Variants in SLAIN1 observed in about 807,000 individuals in gnomAD.
SLAIN1 encodes the protein SLAIN motif-containing protein 1.
A neutral mutation model predicts 55.4 loss-of-function variants in SLAIN1; 17 were observed. That is an observed-to-expected ratio of 0.31 (90% confidence interval 0.21 to 0.46). The LOEUF is 0.46. SLAIN1 is among the 20% of genes least tolerant of loss of function. SLAIN1 has a pLI of 1.00. For missense variants in SLAIN1, 682 were observed against 785.1 expected (o/e 0.87, Z 1.57); for synonymous variants, 348 against 337.4 (o/e 1.03, Z -0.35).
chr13:77,758,278 G>GT (rs146479590), intron 5 of SLAIN1, among the ~76,000 whole-genome samples: 8,403 of 151,296 alleles, frequency 0.056, 308 homozygotes, highest in South Asian at 0.11. Flanking sequence ...GGGATTAGTT[G>GT]TTTTTTTTCT....
At chr13:77,699,143 C>CT in intron 1 of SLAIN1, 1 of 1,349,980 alleles carries the variant, frequency 7.4e-7, no homozygotes, top group Non-Finnish European at 1.0e-6. Context: ...GACTGACTTG[C>CT]TTTTTAAAAT....
At position 77,699,283 on chromosome 13, in the gene SLAIN1, T is replaced by C. The variant is rs940522008; in HGVS notation, c.626+744T>C. 2.9e-5 allele frequency: 9 copies of C among 315,272 alleles called. No individual in the cohort carries two copies. In the South Asian group the frequency reaches 7.7e-4, roughly 27 times the overall value. 19.5% of individuals were successfully genotyped at this position (315,272 alleles called of 1,614,324 possible). On this transcript the variant is annotated intron_variant, in intron 1 of 6. Coordinates refer to ENST00000418532, the MANE Select transcript of SLAIN1 (RefSeq NM_001242868.2). ...TTTACCTAGGAACCAACGAACTGTCTTTAATTTTTTAAATTAAACTGTAGA... is the reference window on the plus strand; with the variant it reads ...TTTACCTAGGAACCAACGAACTGTCCTTAATTTTTTAAATTAAACTGTAGA...
intron 6 of SLAIN1, among the ~76,000 whole-genome samples, chr13:77,762,574 A>C (rs1441970669): frequency 6.6e-6 from 1 of 151,988 alleles, no homozygotes; most frequent in Non-Finnish European, 1.5e-5. Context: ...AATTTGAAAA[A>C]AAAATTGTAG....
At chr13:77,744,204 C>A in intron 2 of SLAIN1, 79 bp from the exon 3 acceptor site, 1 of 1,059,476 alleles carries the variant, frequency 9.4e-7, no homozygotes, top group Non-Finnish European at 1.5e-6. Flanking sequence ...AAATTGCTGA[C>A]TGTTTATATA....
chr13:77,753,301 A>G lies in SLAIN1; in HGVS notation c.1357A>G (p.Ser453Gly), dbSNP rs1311436989. 1 of 1,612,802 alleles carries G rather than the reference A, an allele frequency of 6.2e-7. No individual in the cohort carries two copies. ...SSPVTVRNSQSFDSSLHGAGN... is the reference protein window; with the variant it reads ...SSPVTVRNSQGFDSSLHGAGN... ...TCCGGTCACCGTGCGAAATAGTCAG[A>G]GTTTTGACTCAAGCTTGCATGGAGC... Residue 453 changes from serine (S) to glycine (G), a missense_variant, in exon 5 of 7, where the codon AGT (serine) becomes GGT (glycine). By Grantham distance (56) the Ser-to-Gly change is moderately conservative. Around this residue, in one of 3 missense-constraint regions of SLAIN1, gnomAD observed 244 missense variants for 295.2 expected, o/e 0.83. Transcript: ENST00000418532.
rs542315678 is a variant in SLAIN1 at position 77,758,937 on chromosome 13, G to A, written c.1415-1891G>A. ...GTTTTTTGGTTCCATATGAATTTTA[G>A]GATTGTTTGGATTGTTTTTTCTAGT... On this transcript the variant is annotated intron_variant, in intron 5 of 6. Coordinates refer to ENST00000418532, the MANE Select transcript of SLAIN1 (RefSeq NM_001242868.2). Among the ~76,000 whole-genome samples, 10 of 151,624 alleles carry A rather than the reference G, an allele frequency of 6.6e-5. No homozygotes were observed. In the South Asian group the frequency reaches 1.0e-3, roughly 16 times the overall value.
At chr13:77,721,033 C>G (rs368649151) in intron 2 of SLAIN1, among the ~76,000 whole-genome samples, 1 of 152,010 alleles carries the variant, frequency 6.6e-6, no homozygotes, top group Non-Finnish European at 1.5e-5. Context: ...CTAAGTGACT[C>G]GAAGAAAACT....
chr13:77,734,107 T>G (rs557695422), intron 2 of SLAIN1, among the ~76,000 whole-genome samples: 11 of 152,226 alleles, frequency 7.2e-5, no homozygotes, highest in Admixed American at 2.0e-4. Flanking sequence ...TTCTATAGGC[T>G]CTAAATACGT....
rs927239856 is a variant in SLAIN1 at position 77,698,966 on chromosome 13, C to A, written c.626+427C>A. 1.6e-5 allele frequency: 24 copies of A among 1,534,394 alleles called. No homozygotes were observed. The African/African-American group carries it at 1.6e-4, about 10-fold the overall frequency. On this transcript the variant is annotated intron_variant, in intron 1 of 6. Transcript: ENST00000418532. The surrounding 1 kb of genome is among the most constrained non-coding windows in gnomAD (Gnocchi z 4.1). The stretch of plus-strand genomic sequence containing the variant: ...CTGTCTGCGACTGTTACTGTTCTTT[C>A]GTTTTAAACGAACGCTGGACAGGAT...
intron 6 of SLAIN1, among the ~76,000 whole-genome samples, chr13:77,762,763 G>GA (rs1266003813): frequency 6.6e-6 from 1 of 152,154 alleles, no homozygotes; most frequent in African/African-American, 2.4e-5. Flanking sequence ...ATAAGGTTTT[G>GA]AAAATGTCTT....
intron 1 of SLAIN1, among the ~76,000 whole-genome samples, chr13:77,699,386 T>G (rs1380928611): frequency 6.6e-6 from 1 of 152,354 alleles, no homozygotes; most frequent in East Asian, 1.9e-4. Context: ...AACTTGAGGC[T>G]GACAGCATTT....
Position 77,754,516 on chromosome 13 carries a change from A to C in SLAIN1, c.1414+1158A>C, listed in dbSNP as rs539700553. Among the ~76,000 whole-genome samples the C allele has an allele frequency of 4.6e-5, 7 of 152,310 alleles. No homozygotes were observed. In the South Asian group the frequency reaches 1.0e-3, roughly 23 times the overall value. On this transcript the variant is annotated intron_variant, in intron 5 of 6. Coordinates refer to ENST00000418532, the MANE Select transcript of SLAIN1 (RefSeq NM_001242868.2). ...GGCAGACCTAGGTCTGGTTACTCCC[A>C]GAGCTTTTAACTGCTATCATATTCT...
intron 1 of SLAIN1, among the ~76,000 whole-genome samples, chr13:77,707,784 TC>T (rs1277222666): frequency 1.5e-4 from 23 of 152,224 alleles, no homozygotes; most frequent in African/African-American, 5.3e-4. Flanking sequence ...CATGTGGACT[TC>T]CATTTAATGT....
Position 77,744,359 on chromosome 13 carries a change from T to A in SLAIN1, c.843T>A (p.Asp281Glu), listed in dbSNP as rs1362863774. 1 of 1,612,930 alleles carries A rather than the reference T, an allele frequency of 6.2e-7. No individual in the cohort carries two copies. The highest frequency in any genetic ancestry group is 1.7e-5 in the Admixed American group (1 of 59,870). ...DSELSTSELE[D>E]DSISMGYKLQ... ...AGCTGAGTACTTCAGAATTGGAGGATGATTCTATCTCCATGGGATATAAAT... is the reference window on the plus strand; with the variant it reads ...AGCTGAGTACTTCAGAATTGGAGGAAGATTCTATCTCCATGGGATATAAAT... Residue 281 changes from aspartate (D) to glutamate (E), a missense_variant, in exon 3 of 7, where the codon GAT becomes GAA. Transcript: ENST00000418532.
At chr13:77,738,918 G>A (rs927617643) in intron 2 of SLAIN1, among the ~76,000 whole-genome samples, 3 of 152,014 alleles carry the variant, frequency 2.0e-5, no homozygotes, top group South Asian at 2.1e-4. Flanking sequence ...TCCAGAATTC[G>A]GTGGCAGCTT....
intron 5 of SLAIN1, among the ~76,000 whole-genome samples, chr13:77,759,509 G>A (rs1036398543): frequency 2.0e-5 from 3 of 152,012 alleles, no homozygotes; most frequent in African/African-American, 4.8e-5. Flanking sequence ...TGTGAAGGAC[G>A]TTTTGTTCCA....
intron 2 of SLAIN1, among the ~76,000 whole-genome samples, chr13:77,740,559 C>A (rs1238275764): frequency 2.5e-4 from 34 of 137,524 alleles, no homozygotes. Context: ...AAATAGAACT[C>A]TGGAGTAGGA....
At chr13:77,730,707 T>G (rs1289102438) in intron 2 of SLAIN1, among the ~76,000 whole-genome samples, 2 of 152,176 alleles carry the variant, frequency 1.3e-5, no homozygotes, top group Non-Finnish European at 2.9e-5. Context: ...CAAGAAACAG[T>G]GTATTTAAAT....
At chr13:77,756,595 T>C (rs1874624652) in intron 5 of SLAIN1, among the ~76,000 whole-genome samples, 1 of 152,160 alleles carries the variant, frequency 6.6e-6, no homozygotes, top group Non-Finnish European at 1.5e-5. Flanking sequence ...TCCTAATAGT[T>C]ACCCAACATA....
Sources: allele counts gnomAD v4.1 joint callset (sites outside exome capture counted in the v4.1 genomes callset), GRCh38; gene constraint gnomAD v4.1.1; regional missense constraint gnomAD v4.1.1; non-coding constraint Gnocchi (gnomAD v3.1); transcripts MANE v1.5; gene names NCBI Gene and HGNC (gene_info 2026-07-23, HGNC 2026-07-21).